The following AKAP7 variants were observed in gnomAD, a reference collection of about 807,000 sequenced individuals.
AKAP7 encodes A-kinase anchoring protein 7, also known as A kinase (PRKA) anchor protein 7.
AKAP7 carries 39 observed loss-of-function variants against 39.5 expected under a neutral mutation model. The observed-to-expected ratio is 0.99, with a 90% confidence interval of 0.76 to 1.29. AKAP7 has a LOEUF of 1.29. Ranked by LOEUF, AKAP7 falls within the 50% of genes most tolerant of loss-of-function variation. The pLI is 0.00. For missense variants in AKAP7, 414 were observed against 407.7 expected (o/e 1.02, Z -0.13); for synonymous variants, 140 against 139.1 (o/e 1.01, Z -0.05).
the AKAP7 span, among the ~76,000 whole-genome samples, chr6:131,127,144 C>T: frequency 2.0e-5 from 3 of 152,006 alleles, no homozygotes; most frequent in Non-Finnish European, 4.4e-5. Context: ...CTCCTGGATG[C>T]AAGCGATTTT....
chr6:131,187,080 A>C (rs1435330774), intron 5 of AKAP7, among the ~76,000 whole-genome samples: 1 of 152,176 alleles, frequency 6.6e-6, no homozygotes, highest in Non-Finnish European at 1.5e-5. Flanking sequence ...CTTCTTTATC[A>C]AGATTGTTTT....
At chr6:131,235,637 AT>A (rs1810987399) in intron 7 of AKAP7, among the ~76,000 whole-genome samples, 1 of 152,066 alleles carries the variant, frequency 6.6e-6, no homozygotes, top group African/African-American at 2.4e-5. Flanking sequence ...TGTGGTTTTT[AT>A]TTGCATTTCT....
intron 5 of AKAP7, among the ~76,000 whole-genome samples, chr6:131,175,217 G>A (rs973909786): frequency 6.6e-6 from 1 of 152,132 alleles, no homozygotes; most frequent in Non-Finnish European, 1.5e-5. Flanking sequence ...GAGGAGGAGT[G>A]AGTCTTGCTG....
intron 7 of AKAP7, among the ~76,000 whole-genome samples, chr6:131,254,632 C>T (rs1438395790): frequency 6.6e-6 from 1 of 152,168 alleles, no homozygotes; most frequent in Non-Finnish European, 1.5e-5. Flanking sequence ...AGTCTCTTGT[C>T]ACTGAAAGTA....
At chr6:131,267,788 T>C (rs1813936967) in intron 7 of AKAP7, among the ~76,000 whole-genome samples, 1 of 152,226 alleles carries the variant, frequency 6.6e-6, no homozygotes, top group African/African-American at 2.4e-5. Context: ...CTAGACGGAA[T>C]TCACTGCTGT....
At chr6:131,154,248 T>G (rs993765091) in intron 2 of AKAP7, among the ~76,000 whole-genome samples, 6 of 152,182 alleles carry the variant, frequency 3.9e-5, no homozygotes, top group Non-Finnish European at 8.8e-5. Context: ...CTAAGTTGAT[T>G]TCATAACCCA....
the AKAP7 span, among the ~76,000 whole-genome samples, chr6:131,129,749 T>C: frequency 2.2e-4 from 33 of 152,220 alleles, no homozygotes; most frequent in Non-Finnish European, 3.8e-4. Context: ...GTTAAACACA[T>C]ATTCTTCTTC....
chr6:131,215,250 A>C (rs554428876), intron 6 of AKAP7, among the ~76,000 whole-genome samples: 43 of 152,372 alleles, frequency 2.8e-4, no homozygotes, highest in African/African-American at 9.4e-4. Context: ...GCAAGACAGC[A>C]AACAGGCACA....
At chr6:131,212,185 G>A (rs1261758912) in intron 6 of AKAP7, among the ~76,000 whole-genome samples, 3 of 152,172 alleles carry the variant, frequency 2.0e-5, no homozygotes, top group Admixed American at 6.5e-5. Flanking sequence ...AGTCAGGGAC[G>A]ATCTGTATTT....
chr6:131,171,608 T>C (rs72991525), intron 5 of AKAP7, among the ~76,000 whole-genome samples: 15,488 of 151,862 alleles, frequency 0.1, 1,023 homozygotes, highest in South Asian at 0.22. Flanking sequence ...CCAAGGGAAA[T>C]GGAAGGGGAA....
chr6:131,219,211 A>AC (rs1809477645), intron 6 of AKAP7, among the ~76,000 whole-genome samples: 1 of 148,932 alleles, frequency 6.7e-6, no homozygotes, highest in South Asian at 2.1e-4. Flanking sequence ...AATCACTTGA[A>AC]CCCTGGAGGT....
chr6:131,162,128 G>GAGCTCCCCTC (rs1803031023), intron 3 of AKAP7, among the ~76,000 whole-genome samples: 1 of 152,150 alleles, frequency 6.6e-6, no homozygotes, highest in Non-Finnish European at 1.5e-5. Flanking sequence ...CTGTGTTATG[G>GAGCTCCCCTC]CTTCTTACCC....
At chr6:131,278,032 G>A (rs1373596770) in intron 7 of AKAP7, among the ~76,000 whole-genome samples, 2 of 152,046 alleles carry the variant, frequency 1.3e-5, no homozygotes, top group Non-Finnish European at 2.9e-5. Flanking sequence ...TAAATTTCTG[G>A]TCATTGGTGT....
intron 7 of AKAP7, among the ~76,000 whole-genome samples, chr6:131,275,340 G>A (rs895287066): frequency 1.4e-4 from 21 of 152,138 alleles, no homozygotes; most frequent in Non-Finnish European, 1.6e-4. Flanking sequence ...GGTTTAGAGA[G>A]GTCACGGACA....
chr6:131,225,761 T>A (rs1810108075), intron 7 of AKAP7, among the ~76,000 whole-genome samples: 1 of 152,196 alleles, frequency 6.6e-6, no homozygotes, highest in Admixed American at 6.5e-5. Context: ...TAAATCCAGT[T>A]CTATTTTATG....
chr6:131,180,662 T>A (rs1805099092), intron 5 of AKAP7, among the ~76,000 whole-genome samples: 1 of 152,196 alleles, frequency 6.6e-6, no homozygotes, highest in Non-Finnish European at 1.5e-5. Context: ...TCAAACCTCC[T>A]GCGGTCAGTA....
intron 3 of AKAP7, among the ~76,000 whole-genome samples, chr6:131,163,130 C>T: frequency 6.6e-6 from 1 of 152,138 alleles, no homozygotes; most frequent in East Asian, 1.9e-4. Flanking sequence ...GGTTCAACAG[C>T]AGTTACTGGT....
intron 7 of AKAP7, among the ~76,000 whole-genome samples, chr6:131,253,696 A>G (rs976937347): frequency 6.9e-6 from 1 of 145,902 alleles, no homozygotes; most frequent in Non-Finnish European, 1.5e-5. Flanking sequence ...ATTTATTTAT[A>G]AGCTCCAACA....
chr6:131,251,166 G>GC (rs1457022041), intron 7 of AKAP7, among the ~76,000 whole-genome samples: 1 of 152,170 alleles, frequency 6.6e-6, no homozygotes, highest in Non-Finnish European at 1.5e-5. Context: ...TCTAGCAGAA[G>GC]CCCCATTGAA....
Sources: gnomAD v4.1 joint callset for allele counts (sites outside exome capture counted in the v4.1 genomes callset) on GRCh38, gnomAD v4.1.1 for gene constraint, MANE v1.5 for transcripts, NCBI Gene and HGNC (gene_info 2026-07-23, HGNC 2026-07-21) for gene names.